Variants in LARGE1 observed in about 807,000 individuals in gnomAD.
The protein encoded by LARGE1 is xylosyl- and glucuronyltransferase LARGE1.
LARGE1 carries 43 observed loss-of-function variants against 87.6 expected under a neutral mutation model. The observed-to-expected ratio is 0.49, with a 90% CI of 0.38 to 0.63. The LOEUF is 0.63. Among genes scored for constraint, LARGE1 ranks in the 30% least tolerant of loss-of-function variants. The pLI, the probability that LARGE1 is intolerant of heterozygous loss-of-function variation, is 0.00. For synonymous variants in LARGE1, 434 were observed against 394.6 expected, an observed-to-expected ratio of 1.10 and a Z score of -1.18; for missense variants, 802 against 1,000.2, an observed-to-expected ratio of 0.80 and a Z score of 2.67.
At chr22:33,888,676 C>T (rs11912405) in intron 1 of LARGE1, among the ~76,000 whole-genome samples, 28,863 of 151,868 alleles carry the variant, frequency 0.19, 2,916 homozygotes, top group Middle Eastern at 0.25. Flanking sequence ...GGCAACATGG[C>T]GAAACCCCAT....
exon 12 of LARGE1, chr22:33,164,039 C>T (rs1170068359): frequency 8.5e-5 from 13 of 152,164 alleles, no homozygotes; most frequent in Admixed American, 6.5e-4. Flanking sequence ...AGCTATAGGT[C>T]GCCTTTCTCC....
chr22:33,183,630 A>ACG (rs772737381), intron 11 of LARGE1, among the ~76,000 whole-genome samples: 3,262 of 97,678 alleles, frequency 0.033, 57 homozygotes, highest in Admixed American at 0.069. Context: ...GCACACACAC[A>ACG]CACACACACA....
intron 2 of LARGE1, among the ~76,000 whole-genome samples, chr22:33,667,080 C>A (rs2081289396): frequency 6.6e-6 from 1 of 152,240 alleles, no homozygotes; most frequent in Admixed American, 6.5e-5. Flanking sequence ...CATTCCACCA[C>A]AATAAGCCTC....
chr22:33,270,004 CAAA>C (rs56995031), downstream of LARGE1, among the ~76,000 whole-genome samples: 5 of 86,630 alleles, frequency 5.8e-5, no homozygotes, highest in Non-Finnish European at 5.4e-5. Flanking sequence ...GACTCTGTCT[CAAA>C]AAAAAAAAAA....
intron 6 of LARGE1, among the ~76,000 whole-genome samples, chr22:33,483,374 A>G (rs1417403190): frequency 6.6e-6 from 1 of 152,184 alleles, no homozygotes; most frequent in Non-Finnish European, 1.5e-5. Flanking sequence ...CCTTGCAACC[A>G]TCAGTCCACC....
At chr22:33,537,279 C>T (rs1180443136) in intron 6 of LARGE1, among the ~76,000 whole-genome samples, 1 of 152,236 alleles carries the variant, frequency 6.6e-6, no homozygotes, top group Non-Finnish European at 1.5e-5. Flanking sequence ...GGCTGGTTCC[C>T]TGCGGAGGCT....
chr22:33,548,981 T>C (rs928726376), intron 6 of LARGE1, among the ~76,000 whole-genome samples: 1 of 152,138 alleles, frequency 6.6e-6, no homozygotes. Context: ...AATAAGAAAA[T>C]AAAAGCCAGA....
chr22:33,914,532 T>C (rs140857911), intron 1 of LARGE1, among the ~76,000 whole-genome samples: 352 of 152,350 alleles, frequency 2.3e-3, no homozygotes, highest in Non-Finnish European at 3.9e-3. Context: ...ATTTCAGAAC[T>C]AACGGGTTTC....
chr22:33,328,623 A>C (rs1476712381), intron 10 of LARGE1, among the ~76,000 whole-genome samples: 1 of 151,162 alleles, frequency 6.6e-6, no homozygotes, highest in Non-Finnish European at 1.5e-5. Flanking sequence ...AAAACAAATA[A>C]ATAATAAAAA....
chr22:33,659,565 A>T (rs996506492), intron 2 of LARGE1, among the ~76,000 whole-genome samples: 1 of 152,056 alleles, frequency 6.6e-6, no homozygotes, highest in African/African-American at 2.4e-5. Flanking sequence ...TTGCTGTGGG[A>T]AGGAAAATGG....
the LARGE1 span, among the ~76,000 whole-genome samples, chr22:33,091,200 A>G: frequency 6.6e-6 from 1 of 152,140 alleles, no homozygotes; most frequent in Non-Finnish European, 1.5e-5. Flanking sequence ...ACTCTGCTGC[A>G]GGTCTATATA....
At chr22:33,094,476 T>C in the LARGE1 span, among the ~76,000 whole-genome samples, 1 of 152,170 alleles carries the variant, frequency 6.6e-6, no homozygotes, top group African/African-American at 2.4e-5. Context: ...CACCCTTAGC[T>C]ACAGCCTTTC....
intron 11 of LARGE1, among the ~76,000 whole-genome samples, chr22:33,169,452 A>G (rs374639306): frequency 3.9e-5 from 6 of 152,256 alleles, no homozygotes; most frequent in Admixed American, 1.3e-4. Context: ...GCTATAAATC[A>G]TATATTTTCT....
the LARGE1 span, among the ~76,000 whole-genome samples, chr22:33,111,334 C>T: frequency 6.6e-6 from 1 of 152,142 alleles, no homozygotes; most frequent in South Asian, 2.1e-4. Flanking sequence ...GTAGGACTGG[C>T]CCCAGCTAAC....
chr22:33,624,559 C>T (rs240591), intron 4 of LARGE1, among the ~76,000 whole-genome samples: 112,664 of 151,914 alleles, frequency 0.74, 42,027 homozygotes, highest in African/African-American at 0.82. Context: ...TAACCAGACA[C>T]AACAGGCCGG....
chr22:33,844,094 A>C (rs1350249538), intron 1 of LARGE1, among the ~76,000 whole-genome samples: 1 of 151,680 alleles, frequency 6.6e-6, no homozygotes, highest in Admixed American at 6.6e-5. Flanking sequence ...AAAAAAAAAA[A>C]AGACAAGAAA....
intron 6 of LARGE1, among the ~76,000 whole-genome samples, chr22:33,434,579 G>C (rs1471186659): frequency 6.6e-6 from 1 of 152,116 alleles, no homozygotes; most frequent in Non-Finnish European, 1.5e-5. Flanking sequence ...GATTACAAGC[G>C]TGAGCCACTG....
intron 11 of LARGE1, among the ~76,000 whole-genome samples, chr22:33,212,769 G>T (rs1470456584): frequency 6.6e-6 from 1 of 152,110 alleles, no homozygotes; most frequent in African/African-American, 2.4e-5. Context: ...TGTAATCCCA[G>T]CACTTTGGGA....
At chr22:33,607,344 C>T (rs2079293907) in intron 4 of LARGE1, among the ~76,000 whole-genome samples, 1 of 151,300 alleles carries the variant, frequency 6.6e-6, no homozygotes, top group South Asian at 2.1e-4. Flanking sequence ...GCCTGTAATT[C>T]CAGCTACTTG....
Sources: allele counts gnomAD v4.1 joint callset (sites outside exome capture counted in the v4.1 genomes callset), GRCh38; gene constraint gnomAD v4.1.1; transcripts MANE v1.5; gene names NCBI Gene and HGNC (gene_info 2026-07-23, HGNC 2026-07-21).